Variants in KMO observed in about 807,000 individuals in gnomAD.
KMO encodes kynurenine 3-monooxygenase, also known as kynurenine 3-hydroxylase.
Under a neutral mutation model 57.8 loss-of-function variants are expected in KMO, and 24 were observed. The ratio of observed to expected loss-of-function variants is 0.42; its 90% CI spans 0.30 to 0.58. The LOEUF is 0.58. Ranked by LOEUF, KMO falls within the 20% of genes least tolerant of loss-of-function variation. KMO has a pLI of 0.22. For missense variants in KMO, 483 were observed against 588.2 expected (o/e 0.82, Z 1.85); for synonymous variants, 210 against 193.6 (o/e 1.08, Z -0.70).
At chr1:241,584,054 T>C (rs1330368309) in intron 10 of KMO, among the ~76,000 whole-genome samples, 1 of 152,202 alleles carries the variant, frequency 6.6e-6, no homozygotes, top group Non-Finnish European at 1.5e-5. Context: ...TATGTATACA[T>C]GGGCCATGTT....
Position 241,588,968 on chromosome 1 carries a change from A to G in KMO, c.1098+138A>G. On this transcript the variant is annotated intron_variant, in intron 12 of 14. Coordinates refer to ENST00000366559, the MANE Select transcript of KMO (RefSeq NM_003679.5). Reference sequence around the variant, plus strand: ...CCTACAGATAAGAAAACACACACACACATAGCATTCCTTAGACTTGGGTGG... The same window carrying G: ...CCTACAGATAAGAAAACACACACACGCATAGCATTCCTTAGACTTGGGTGG... The G allele has an allele frequency of 8.0e-6, 5 of 624,016 alleles. No homozygotes were observed. In the South Asian group the frequency reaches 9.7e-5, roughly 12 times the overall value. The allele number at this position is 624,016 out of a possible 1,614,324, so 38.7% of individuals were successfully genotyped here.
At chr1:241,552,819 C>G (rs142973383) in intron 4 of KMO, among the ~76,000 whole-genome samples, 1 of 152,290 alleles carries the variant, frequency 6.6e-6, no homozygotes, top group African/African-American at 2.4e-5. Flanking sequence ...TTTGAACTTT[C>G]TCCAATGTGA....
chr1:241,551,475 G>T (rs910570453), intron 4 of KMO, among the ~76,000 whole-genome samples: 2 of 152,118 alleles, frequency 1.3e-5, no homozygotes, highest in Non-Finnish European at 2.9e-5. Flanking sequence ...TAGAATGTAT[G>T]GAATGATCCA....
At chr1:241,535,488 G>C (rs1230879171) in intron 1 of KMO, among the ~76,000 whole-genome samples, 2 of 152,114 alleles carry the variant, frequency 1.3e-5, no homozygotes, top group South Asian at 2.1e-4. Flanking sequence ...AGTTATTCTT[G>C]CTCTGATGTA....
intron 10 of KMO, among the ~76,000 whole-genome samples, chr1:241,582,431 C>A (rs1031006903): frequency 6.6e-6 from 1 of 152,094 alleles, no homozygotes; most frequent in Non-Finnish European, 1.5e-5. Flanking sequence ...AGGCTATTTC[C>A]TGGATCTTAT....
At chr1:241,558,372 C>A (rs146885328) in intron 5 of KMO, among the ~76,000 whole-genome samples, 52 of 152,304 alleles carry the variant, frequency 3.4e-4, no homozygotes, top group Admixed American at 9.2e-4. Flanking sequence ...ATATAAAGTT[C>A]ATTCTTTCTT....
At position 241,594,971 on chromosome 1, in the gene KMO, C is replaced by T; in HGVS notation, c.*2818C>T. Reference sequence around the variant, plus strand: ...CACACACTTTCTATGAGGGCAGGTACAACTATTAAGAGATTTTGAACATTA... The same window carrying T: ...CACACACTTTCTATGAGGGCAGGTATAACTATTAAGAGATTTTGAACATTA... On this transcript the variant is annotated 3_prime_UTR_variant, in exon 15 of 15. Coordinates refer to ENST00000366559, the MANE Select transcript of KMO (RefSeq NM_003679.5). 3.0e-6 allele frequency: 1 copy of T among 330,196 alleles called. No homozygotes were observed. Among genetic ancestry groups the T allele is most frequent in the South Asian group, 5.7e-5 (1 of 17,496 alleles). The allele number at this position is 330,196 out of a possible 1,614,324, so 20.5% of individuals were successfully genotyped here.
At chr1:241,536,542 T>C in intron 1 of KMO, 1 of 985,002 alleles carries the variant, frequency 1.0e-6, no homozygotes, top group Non-Finnish European at 1.2e-6. Context: ...GACACCATTT[T>C]TTGACTGAAG....
chr1:241,548,777 T>A, intron 1 of KMO, 52 bp from the exon 2 acceptor site: 1 of 1,136,512 alleles, frequency 8.8e-7, no homozygotes, highest in African/African-American at 1.6e-5. Context: ...CTGCTAAAAA[T>A]TCCCTATATT....
intron 10 of KMO, among the ~76,000 whole-genome samples, chr1:241,571,443 T>C (rs886336090): frequency 6.6e-6 from 1 of 152,198 alleles, no homozygotes; most frequent in African/African-American, 2.4e-5. Flanking sequence ...GCTTTTATCA[T>C]GTTGAGATAT....
At chr1:241,550,300 T>C (rs985630959) in intron 3 of KMO, among the ~76,000 whole-genome samples, 21 of 152,208 alleles carry the variant, frequency 1.4e-4, no homozygotes, top group African/African-American at 4.1e-4. Flanking sequence ...ATCCAGCATA[T>C]GTGTACTACA....
intron 4 of KMO, among the ~76,000 whole-genome samples, chr1:241,553,322 C>A (rs1661484391): frequency 6.6e-6 from 1 of 152,150 alleles, no homozygotes; most frequent in Admixed American, 6.5e-5. Flanking sequence ...GGTGTTCCTG[C>A]AGGGATGACA....
At chr1:241,581,141 C>G (rs1388664848) in intron 10 of KMO, among the ~76,000 whole-genome samples, 1 of 152,064 alleles carries the variant, frequency 6.6e-6, no homozygotes, top group African/African-American at 2.4e-5. Flanking sequence ...ATAAGTATAG[C>G]AACTCCTGCT....
In KMO at chr1:241,594,439, G is replaced by A. The variant is rs267598450; in HGVS notation, c.*2286G>A. 1.9e-6 allele frequency: 3 copies of A among 1,612,086 alleles called. No individual in the cohort carries two copies. The highest frequency in any genetic ancestry group is 1.7e-5 in the Admixed American group (1 of 59,942). ...GCCATTCTTCATTCCTACAAAGGAC[G>A]AACTTGGATTACATCAACTTTGGAC... On this transcript the variant is annotated 3_prime_UTR_variant, in exon 15 of 15. Coordinates refer to ENST00000366559, the MANE Select transcript of KMO (RefSeq NM_003679.5).
At chr1:241,550,284 T>C (rs1360650055) in intron 3 of KMO, among the ~76,000 whole-genome samples, 1 of 152,210 alleles carries the variant, frequency 6.6e-6, no homozygotes, top group East Asian at 1.9e-4. Flanking sequence ...GGCGGGTTTA[T>C]GTGATATCCA....
chr1:241,541,850 C>A (rs1348625710), intron 1 of KMO, among the ~76,000 whole-genome samples: 2 of 152,006 alleles, frequency 1.3e-5, no homozygotes, highest in African/African-American at 4.8e-5. Context: ...GTTTCATGAC[C>A]AAATATGGAT....
In KMO at chr1:241,532,439, G is replaced by A; in HGVS notation, c.-6G>A. ...AACAATAATTGTGAAAAATACTTCA[G>A]CAGTTATGGACTCATCTGTCATTCA... On this transcript the variant is annotated 5_prime_UTR_variant, in exon 1 of 15. Coordinates refer to ENST00000366559, the MANE Select transcript of KMO (RefSeq NM_003679.5). 1 of 1,612,396 alleles carries A rather than the reference G, an allele frequency of 6.2e-7. No individual in the cohort carries two copies. The highest frequency in any genetic ancestry group is 1.3e-5 in the African/African-American group (1 of 74,946).
intron 3 of KMO, 82 bp downstream of exon 3, chr1:241,549,856 A>C: frequency 1.1e-6 from 1 of 877,558 alleles, no homozygotes; most frequent in Admixed American, 2.1e-5. Flanking sequence ...CTGGCTTAAA[A>C]AGTACCATTT....
chr1:241,548,872 A>T lies in KMO; in HGVS notation c.98A>T (p.Gln33Leu), dbSNP rs756582225. 9 of 1,607,576 alleles carry T rather than the reference A, an allele frequency of 5.6e-6. No individual in the cohort carries two copies. Among genetic ancestry groups the T allele is most frequent in the Non-Finnish European group, 7.7e-6 (9 of 1,174,648 alleles). ...QACFLAKRNF[Q>L]IDVYEAREDT... is the part of the protein sequence containing the mutation. ...TGCTTTCTTGCAAAGAGGAATTTCC[A>T]GATTGATGTATATGAAGCTAGGGAA... The change falls in exon 2 of 15, where the codon CAG becomes CTG. Residue 33 changes from glutamine (Q) to leucine (L), a missense_variant. Physicochemically the swap from Gln to Leu is moderately radical, Grantham distance 113. Coordinates refer to ENST00000366559, the MANE Select transcript of KMO (RefSeq NM_003679.5).
Sources: allele counts gnomAD v4.1 joint callset (sites outside exome capture counted in the v4.1 genomes callset), GRCh38; gene constraint gnomAD v4.1.1; transcripts MANE v1.5; gene names NCBI Gene and HGNC (gene_info 2026-07-23, HGNC 2026-07-21).